The following MYH7B variants were observed in gnomAD, a reference collection of about 807,000 sequenced individuals.
MYH7B encodes myosin-7B.
A neutral mutation model predicts 234.5 loss-of-function variants in MYH7B; 205 were observed. The observed-to-expected ratio is 0.87, with a 90% CI of 0.78 to 0.98. The LOEUF is 0.98. Ranked by LOEUF, MYH7B falls within the 50% of genes least tolerant of loss-of-function variation. MYH7B has a pLI of 0.00. For missense variants in MYH7B, 2,652 were observed against 2,633.4 expected (o/e 1.01, Z -0.15); for synonymous variants, 1,193 against 1,105.0 (o/e 1.08, Z -1.58).
At chr20:34,968,581 G>A (rs900637284) in intron 2 of MYH7B, among the ~76,000 whole-genome samples, 5 of 152,116 alleles carry the variant, frequency 3.3e-5, no homozygotes, top group Non-Finnish European at 5.9e-5. Context: ...CCTTACACTC[G>A]GCTAAGCCTT....
chr20:34,993,155 G>A, exon 25 of MYH7B: 2 of 1,614,000 alleles, frequency 1.2e-6, no homozygotes, highest in Non-Finnish European at 1.7e-6. Flanking sequence ...ATGGACAGCA[G>A]GAAGGCCACA....
At chr20:34,988,038 C>T (rs537198588) in intron 18 of MYH7B, 54 bp from the exon 19 acceptor site, 2 of 1,584,778 alleles carry the variant, frequency 1.3e-6, no homozygotes, top group South Asian at 1.2e-5. Context: ...CTCCCCGGGC[C>T]TCCCTTTCCC....
chr20:34,991,236 T>C (rs2082143687), intron 24 of MYH7B, 115 bp downstream of exon 24: 2 of 740,258 alleles, frequency 2.7e-6, no homozygotes, highest in Admixed American at 5.8e-5. Context: ...AAGCAGGGAC[T>C]GTGAGGGGCC....
In MYH7B at chr20:34,998,494, C is replaced by G. The variant is rs199952304; in HGVS notation, c.3875-17C>G. On this transcript the variant is annotated splice_polypyrimidine_tract_variant and intron_variant, in intron 33 of 44. Transcript: ENST00000262873. Reference sequence around the variant, plus strand: ...CCCTCACCAGCCTGACCTGTCCGCTCGCCTCTTTGCCTGCAGGGGAGCTGA... The same window carrying G: ...CCCTCACCAGCCTGACCTGTCCGCTGGCCTCTTTGCCTGCAGGGGAGCTGA... The G allele has an allele frequency of 1.7e-5, 27 of 1,613,178 alleles. No homozygotes were observed. Among genetic ancestry groups the G allele is most frequent in the Non-Finnish European group, 2.3e-5 (27 of 1,179,964 alleles).
chr20:34,966,964 C>T (rs924689542), intron 2 of MYH7B, among the ~76,000 whole-genome samples: 1 of 151,852 alleles, frequency 6.6e-6, no homozygotes. Context: ...AGCACGGTGG[C>T]TCACACCTGT....
intron 19 of MYH7B, 37 bp downstream of exon 19, chr20:34,988,299 GGT>G (rs1437155573): frequency 6.3e-7 from 1 of 1,589,470 alleles, no homozygotes; most frequent in Non-Finnish European, 8.6e-7. Flanking sequence ...AGGAAGGGAG[GGT>G]GTGTGTGGTG....
rs375392993 is a variant in MYH7B, at chr20:34,979,497, G to C, written c.198+1G>C. On this transcript the variant is annotated splice_donor_variant, in intron 6 of 44. Transcript: ENST00000262873. LOFTEE classifies it high-confidence loss of function. ...CACCGTGGAGACCAAAGACCAGAAG[G>C]TTCCGTTCCCCCTTTCCTGAGATTA... 2 of 1,611,022 alleles carry C rather than the reference G, an allele frequency of 1.2e-6. No individual in the cohort carries two copies. The highest frequency in any genetic ancestry group is 2.2e-5 in the East Asian group (1 of 44,840).
chr20:34,986,990 G>C lies in MYH7B; in HGVS notation c.1008+1G>C, dbSNP rs200920118. On this transcript the variant is annotated splice_donor_variant, in intron 15 of 44. Transcript: ENST00000262873. LOFTEE classifies it high-confidence loss of function. Reference sequence around the variant, plus strand: ...TGGGGAGGAGCTCATCGCCACCGACGTATGAGCTCTGGTGGGAGGGGAGCT... The same window carrying C: ...TGGGGAGGAGCTCATCGCCACCGACCTATGAGCTCTGGTGGGAGGGGAGCT... The C allele has an allele frequency of 4.4e-5, 71 of 1,612,828 alleles. No homozygotes were observed. Among genetic ancestry groups the C allele is most frequent in the Non-Finnish European group, 4.9e-5 (58 of 1,179,188 alleles).
At chr20:34,957,847 C>T (rs1181824185) in intron 1 of MYH7B, among the ~76,000 whole-genome samples, 1 of 152,184 alleles carries the variant, frequency 6.6e-6, no homozygotes. Context: ...AGGCTGAGTC[C>T]TCCAGTCTCC....
exon 19 of MYH7B, chr20:34,988,151 C>T: frequency 1.2e-6 from 2 of 1,614,178 alleles, no homozygotes; most frequent in Non-Finnish European, 1.7e-6. Context: ...AGCAGTTCTT[C>T]AACCAGCACA....
At chr20:34,968,697 A>G (rs767796173) in intron 2 of MYH7B, among the ~76,000 whole-genome samples, 1 of 152,200 alleles carries the variant, frequency 6.6e-6, no homozygotes, top group Non-Finnish European at 1.5e-5. Flanking sequence ...CTTCTACCCC[A>G]GTGTGTCCTT....
Position 34,966,798 on chromosome 20 carries a change from C to T in MYH7B, c.-222+8586C>T, listed in dbSNP as rs573533219. 4.6e-5 allele frequency among the ~76,000 whole-genome samples: 7 copies of T among 152,182 alleles called. No homozygotes were observed. In the East Asian group the frequency reaches 5.8e-4, roughly 13 times the overall value. On this transcript the variant is annotated intron_variant, in intron 2 of 44. Transcript: ENST00000262873. ...AAATTTGGCTAGGCATGGTGAGGCA[C>T]GCCTATAGTCCCAGCTACTTGGGAG...
rs2081658648 is a variant in MYH7B at position 34,958,084 on chromosome 20, G to A, written c.-336-14G>A. 6.6e-6 allele frequency among the ~76,000 whole-genome samples: 1 copy of A among 152,186 alleles called. No individual in the cohort carries two copies. On this transcript the variant is annotated splice_polypyrimidine_tract_variant and intron_variant, in intron 1 of 44. Coordinates refer to ENST00000262873, the Ensembl canonical transcript of MYH7B. ...ATTAAAAATCAAAAGCATGACCCAGGGTTCTCTGTGCAGGTTCCCCTCTTC... is the reference window on the plus strand; with the variant it reads ...ATTAAAAATCAAAAGCATGACCCAGAGTTCTCTGTGCAGGTTCCCCTCTTC...
chr20:34,978,141 CT>C (rs780948405), intron 5 of MYH7B, 45 bp downstream of exon 5: 1 of 1,608,014 alleles, frequency 6.2e-7, no homozygotes, highest in Non-Finnish European at 8.5e-7. Flanking sequence ...CAGAGATGCC[CT>C]TATGGACTCA....
Position 34,998,533 on chromosome 20 carries a change from G to A in MYH7B, c.3897G>A (p.Glu1299=), listed in dbSNP as rs2082306468. The A allele has an allele frequency of 1.9e-6, 3 of 1,613,560 alleles. No homozygotes were observed. Among genetic ancestry groups the A allele is most frequent in the East Asian group, 4.5e-5 (2 of 44,888 alleles). The change falls in exon 34 of 45, where the codon GAG becomes GAA. Residue 1299 remains glutamate (E), a synonymous_variant. Transcript: ENST00000262873. ...CAGGGGAGCTGAGTCGCCTGCTAGA[G>A]GAGAAGGAGTGTCTGATCAGTCAGC...
chr20:34,980,108 T>G (rs1047298518), intron 7 of MYH7B: 10 of 456,792 alleles, frequency 2.2e-5, no homozygotes, highest in Middle Eastern at 6.1e-4. Context: ...GGGGCAGGGC[T>G]GTGAGCACAA....
chr20:34,994,408 C>G lies in MYH7B; in HGVS notation c.2700+7C>G, dbSNP rs756627846. ...GGCCCTGCAGCTGCAGGCTGTGAGT[C>G]AGGGTTCCCCTTGTGACCGGGCGTC... is the stretch of plus-strand genomic sequence containing the variant. On this transcript the variant is annotated splice_region_variant and intron_variant, in intron 27 of 44. Transcript: ENST00000262873. The G allele has an allele frequency of 1.3e-6, 2 of 1,564,690 alleles. No homozygotes were observed. Among genetic ancestry groups the G allele is most frequent in the Non-Finnish European group, 1.7e-6 (2 of 1,155,774 alleles).
chr20:34,991,098 G>A (rs763931668), exon 24 of MYH7B: 2 of 1,611,796 alleles, frequency 1.2e-6, no homozygotes, highest in Non-Finnish European at 1.7e-6. Flanking sequence ...CCAACAGGTT[G>A]CTCTACACCG....
At chr20:34,994,015 C>G in intron 26 of MYH7B, 131 bp from the exon 27 acceptor site, 1 of 1,242,948 alleles carries the variant, frequency 8.0e-7, no homozygotes, top group South Asian at 1.4e-5. Context: ...TCACCCTCAC[C>G]TATAAAGCAG....
Sources: gnomAD v4.1 joint callset for allele counts (sites outside exome capture counted in the v4.1 genomes callset) on GRCh38, gnomAD v4.1.1 for gene constraint, MANE v1.5 for transcripts, NCBI Gene and HGNC (gene_info 2026-07-23, HGNC 2026-07-21) for gene names.